The following H2BC18 variants were observed in gnomAD, a reference collection of about 807,000 sequenced individuals.
The protein encoded by H2BC18 is H2B clustered histone 18.
In H2BC18, 8 loss-of-function variants were observed where a neutral mutation model predicts 6.3. That is an observed-to-expected ratio of 1.28 (90% CI 0.75 to 2.31). H2BC18 has a LOEUF of 2.31. Ranked by LOEUF, H2BC18 falls within the 30% of genes most tolerant of loss-of-function variation. The probability of loss-of-function intolerance (pLI) is 0.00; values close to 1 mark genes in which losing one functional copy is unlikely to be tolerated. For missense variants in H2BC18, 106 were observed against 174.5 expected (o/e 0.61, Z 2.21); for synonymous variants, 104 against 78.1 (o/e 1.33, Z -1.75).
chr1:149,788,212 A>G lies in H2BC18; in HGVS notation c.378-4952T>C, dbSNP rs1169018861. ...ATTGCTTTTCTTTCCACCAAAGCTA[A>G]AGATATTTGAGGAACTGGATATAGG... On this transcript the variant is annotated intron_variant, in intron 1 of 1. Coordinates refer to the H2BC18 transcript ENST00000545683. 3.9e-6 allele frequency: 6 copies of G among 1,530,920 alleles called. No homozygotes were observed. In the Admixed American group the frequency reaches 1.3e-4, roughly 33 times the overall value. 94.8% of individuals were successfully genotyped at this position (1,530,920 alleles called of 1,614,324 possible).
At chr1:149,796,162 C>A (rs2091797972) in intron 1 of H2BC18, among the ~76,000 whole-genome samples, 1 of 149,728 alleles carries the variant, frequency 6.7e-6, no homozygotes, top group Non-Finnish European at 1.5e-5. Flanking sequence ...GTAAGAAGTT[C>A]AGTTTTCTGC....
chr1:149,796,418 C>T (rs1299680997), intron 1 of H2BC18, among the ~76,000 whole-genome samples: 7 of 152,118 alleles, frequency 4.6e-5, no homozygotes, highest in African/African-American at 9.7e-5. Flanking sequence ...GAAGCAATGG[C>T]GTGATATCCA....
At chr1:149,786,404 T>C (rs1432192176) in intron 1 of H2BC18, 2 of 152,198 alleles carry the variant, frequency 1.3e-5, no homozygotes, top group Non-Finnish European at 2.9e-5. Context: ...TATTAAAGTT[T>C]TGTTTGTTTT....
At chr1:149,807,425 A>G (rs2091927434), downstream of H2BC18, among the ~76,000 whole-genome samples, 1 of 149,526 alleles carries the variant, frequency 6.7e-6, no homozygotes, top group Non-Finnish European at 1.5e-5. Context: ...CTGGGAGGTC[A>G]AGGCTGCAAT....
intron 1 of H2BC18, chr1:149,788,511 T>C (rs1553751145): frequency 6.2e-7 from 1 of 1,613,892 alleles, no homozygotes; most frequent in Admixed American, 1.7e-5. Context: ...ACTGGAATTC[T>C]AACCTCACCA....
chr1:149,807,665 A>G (rs1312210488), downstream of H2BC18, among the ~76,000 whole-genome samples: 36 of 151,888 alleles, frequency 2.4e-4, no homozygotes, highest in Non-Finnish European at 4.6e-4. Flanking sequence ...TTAGCTGGGC[A>G]TGATGGCTGG....
chr1:149,812,348 G>A lies in H2BC18; in HGVS notation c.-25C>T, dbSNP rs587727187. The A allele has an allele frequency of 1.5e-5, 24 of 1,613,956 alleles. No individual in the cohort carries two copies. The Admixed American group carries it at 1.5e-4, about 10-fold the overall frequency. On this transcript the variant is annotated 5_prime_UTR_variant, in exon 1 of 1. Transcript: ENST00000369167. ...TTTTTGCGCGAAAAAAGAGAAAAGA[G>A]ACTTAAAGAAGTAATCCGAACTACC...
At chr1:149,799,225 C>T (rs868964117) in intron 1 of H2BC18, among the ~76,000 whole-genome samples, 8 of 145,698 alleles carry the variant, frequency 5.5e-5, no homozygotes, top group African/African-American at 2.0e-4. Context: ...TAATTGAATT[C>T]AAAATTATTT....
chr1:149,784,169 C>T (rs2091477297), intron 1 of H2BC18: 3 of 1,611,582 alleles, frequency 1.9e-6, no homozygotes, highest in Middle Eastern at 2.3e-4. Flanking sequence ...ACAGAATCAC[C>T]TCTGCCAGTG....
chr1:149,791,652 T>C, intron 1 of H2BC18: 1 of 1,454,056 alleles, frequency 6.9e-7, no homozygotes, highest in Non-Finnish European at 9.1e-7. Flanking sequence ...TTAAAGCAAA[T>C]AAATGAACTG....
intron 1 of H2BC18, among the ~76,000 whole-genome samples, chr1:149,799,749 A>G (rs1362435506): frequency 6.6e-6 from 1 of 152,100 alleles, no homozygotes; most frequent in African/African-American, 2.4e-5. Context: ...TCATCTCTGC[A>G]TGCATCTTTT....
intron 1 of H2BC18, chr1:149,790,126 G>C (rs587703889): frequency 6.2e-7 from 1 of 1,613,916 alleles, no homozygotes; most frequent in East Asian, 2.2e-5. Flanking sequence ...GTCACCCTGA[G>C]CTGTGAAACA....
At chr1:149,788,549 G>A in intron 1 of H2BC18, 13 of 1,613,894 alleles carry the variant, frequency 8.1e-6, no homozygotes, top group Non-Finnish European at 9.3e-6. Flanking sequence ...AGTCACAATG[G>A]CACCTACCAT....
At chr1:149,806,179 C>T (rs868980021) in intron 1 of H2BC18, among the ~76,000 whole-genome samples, 42 of 151,812 alleles carry the variant, frequency 2.8e-4, no homozygotes, top group Middle Eastern at 3.4e-3. Flanking sequence ...AGAAGCCAAG[C>T]GCCCAGAAAG....
chr1:149,803,608 T>C (rs1318025226), intron 1 of H2BC18: 1 of 152,224 alleles, frequency 6.6e-6, no homozygotes, highest in East Asian at 1.9e-4. Flanking sequence ...AGTGGACCAG[T>C]ATCCAGGCTT....
At chr1:149,808,776 T>C (rs587723171), downstream of H2BC18, among the ~76,000 whole-genome samples, 14 of 152,274 alleles carry the variant, frequency 9.2e-5, no homozygotes, top group South Asian at 2.1e-3. Context: ...GTTAATCAAA[T>C]GTAGAAAAGA....
At chr1:149,792,972 G>A (rs1553752278) in intron 1 of H2BC18, 2 of 1,276,122 alleles carry the variant, frequency 1.6e-6, no homozygotes, top group Non-Finnish European at 1.0e-6. Context: ...GGTAGTCTGC[G>A]AGGGCCCGCG....
rs782097020 is a variant in H2BC18 at position 149,788,329 on chromosome 1, C to A, written c.378-5069G>T. On this transcript the variant is annotated intron_variant, in intron 1 of 1. Coordinates refer to the H2BC18 transcript ENST00000545683. ...AAGCTTGGGCCTCCTTGTACCTCCT[C>A]CACTGTATACATACATTTTGGGTTC... The A allele has an allele frequency of 2.5e-6, 4 of 1,611,858 alleles. No individual in the cohort carries two copies. The East Asian group carries it at 8.9e-5, about 36-fold the overall frequency.
intron 1 of H2BC18, chr1:149,785,611 T>C (rs1444169634): frequency 6.6e-6 from 1 of 151,880 alleles, no homozygotes; most frequent in Non-Finnish European, 1.5e-5. Flanking sequence ...TCTTTACCTC[T>C]ACACAGACTC....
Sources: gnomAD v4.1 joint callset for allele counts (sites outside exome capture counted in the v4.1 genomes callset) on GRCh38, gnomAD v4.1.1 for gene constraint, MANE v1.5 for transcripts, NCBI Gene and HGNC (gene_info 2026-07-23, HGNC 2026-07-21) for gene names.